The following ERGIC2 variants were observed in gnomAD, a reference collection of about 807,000 sequenced individuals.
The protein encoded by ERGIC2 is endoplasmic reticulum-Golgi intermediate compartment protein 2.
ERGIC2 carries 31 observed loss-of-function variants against 52.5 expected under a neutral mutation model. The observed-to-expected ratio is 0.59, with a 90% CI of 0.44 to 0.80. ERGIC2 has a LOEUF of 0.80. ERGIC2 is among the 30% of genes least tolerant of loss of function. The pLI is 0.00. For missense variants in ERGIC2, 395 were observed against 455.2 expected (o/e 0.87, Z 1.20); for synonymous variants, 129 against 140.6 (o/e 0.92, Z 0.58).
At chr12:29,377,655 G>A (rs915160892) in intron 1 of ERGIC2, among the ~76,000 whole-genome samples, 7 of 152,140 alleles carry the variant, frequency 4.6e-5, no homozygotes, top group African/African-American at 1.7e-4. Flanking sequence ...ATGGAGGGGT[G>A]ACTGTATTTT....
Position 29,338,787 on chromosome 12 carries a change from T to C in ERGIC2, c.*2369A>G, listed in dbSNP as rs1182576800. 6.6e-6 allele frequency: 1 copy of C among 152,212 alleles called. No individual in the cohort carries two copies. Among genetic ancestry groups the C allele is most frequent in the East Asian group, 1.9e-4 (1 of 5,208 alleles). The allele number at this position is 152,212 out of a possible 1,614,324, so 9.4% of individuals were successfully genotyped here. On this transcript the variant is annotated 3_prime_UTR_variant, in exon 14 of 14. Transcript: ENST00000360150. ...TATAGGTCAATGTATGCAAACACAG[T>C]ATTTAAAAATCCATTTCATATAATT...
chr12:29,363,728 A>G (rs754400772), intron 5 of ERGIC2, among the ~76,000 whole-genome samples: 6 of 152,030 alleles, frequency 3.9e-5, no homozygotes, highest in Non-Finnish European at 5.9e-5. Flanking sequence ...TGAGAACTAC[A>G]AAGATGAAAG....
At chr12:29,347,895 C>A (rs1335071480) in intron 10 of ERGIC2, among the ~76,000 whole-genome samples, 1 of 152,122 alleles carries the variant, frequency 6.6e-6, no homozygotes, top group Non-Finnish European at 1.5e-5. Context: ...AAGAAGTACA[C>A]TTAAAAACAG....
chr12:29,380,109 C>T (rs1293057645), intron 1 of ERGIC2, among the ~76,000 whole-genome samples: 1 of 151,846 alleles, frequency 6.6e-6, no homozygotes, highest in Non-Finnish European at 1.5e-5. Context: ...ACCGCCAACC[C>T]CCACCCTCCC....
At chr12:29,376,938 G>A (rs928341373) in intron 1 of ERGIC2, among the ~76,000 whole-genome samples, 2 of 152,070 alleles carry the variant, frequency 1.3e-5, no homozygotes, top group African/African-American at 4.8e-5. Flanking sequence ...TGTCAAAACA[G>A]CCTTTCCTTT....
In ERGIC2 at chr12:29,345,380, G is replaced by T. The variant is rs1940033271; in HGVS notation, c.825+63C>A. On this transcript the variant is annotated intron_variant, in intron 11 of 13. Transcript: ENST00000360150. The stretch of plus-strand genomic sequence containing the variant: ...AAACACCACCTTATTTTGTAGCCAG[G>T]AAACTTTAAAATGCTTTTTTAAAAA... 8 of 915,914 alleles carry T rather than the reference G, an allele frequency of 8.7e-6. No individual in the cohort carries two copies. In the South Asian group the frequency reaches 1.0e-4, roughly 12 times the overall value. 56.7% of individuals were successfully genotyped at this position (915,914 alleles called of 1,614,324 possible). A position where few individuals can be genotyped will look rare whatever the true frequency, so the allele number is the denominator to read the frequency against.
In ERGIC2 at chr12:29,338,637, C is replaced by T. The variant is rs868349030; in HGVS notation, c.*2519G>A. 3 of 151,900 alleles carry T rather than the reference C, an allele frequency of 2.0e-5. No individual in the cohort carries two copies. The highest frequency in any genetic ancestry group is 6.8e-3 in the Middle Eastern group (2 of 292). The allele number at this position is 151,900 out of a possible 1,614,324, so 9.4% of individuals were successfully genotyped here. ...TCAGCCTGGGCAACAGTGCGAGACC[C>T]CATCTCTTAAAAAAAAAAAGAGAAA... On this transcript the variant is annotated 3_prime_UTR_variant, in exon 14 of 14. Coordinates refer to ENST00000360150, the MANE Select transcript of ERGIC2 (RefSeq NM_016570.3).
rs142587744 is a variant in ERGIC2, at chr12:29,370,929, C to T, written c.106+599G>A. 3.4e-3 allele frequency among the ~76,000 whole-genome samples: 517 copies of T among 152,164 alleles called. 5 individuals carry two copies. Among genetic ancestry groups the T allele is most frequent in the African/African-American group, 0.012 (487 of 41,564 alleles). ...ACTTGCACTATTTTCATTAACAAAA[C>T]TTAATCACAAGTGGATCAGAAATAG... On this transcript the variant is annotated intron_variant, in intron 2 of 13. Transcript: ENST00000360150.
chr12:29,346,111 T>G (rs2136851665), intron 10 of ERGIC2, among the ~76,000 whole-genome samples: 1 of 152,006 alleles, frequency 6.6e-6, no homozygotes, highest in South Asian at 2.1e-4. Flanking sequence ...TTTAAAAAAA[T>G]GAATTGGTGA....
chr12:29,354,590 T>A (rs1288003332), intron 8 of ERGIC2, among the ~76,000 whole-genome samples: 1 of 152,162 alleles, frequency 6.6e-6, no homozygotes, highest in Non-Finnish European at 1.5e-5. Flanking sequence ...TTCAAAAAGA[T>A]CAATATTGAA....
In ERGIC2 at chr12:29,340,834, CT is replaced by C; in HGVS notation, c.*321del. 3 of 443,060 alleles carry C rather than the reference CT, an allele frequency of 6.8e-6. No individual in the cohort carries two copies. The highest frequency in any genetic ancestry group is 3.1e-5 in the Admixed American group (1 of 32,070). 27.4% of individuals were successfully genotyped at this position (443,060 alleles called of 1,614,324 possible). A position where few individuals can be genotyped will look rare whatever the true frequency, so the allele number is the denominator to read the frequency against. On this transcript the variant is annotated 3_prime_UTR_variant, in exon 14 of 14. Transcript: ENST00000360150. Reference sequence around the variant, plus strand: ...TGTAGTTTCACTTATTTCCTTCAGGCTTTTTATCAGCAAGAAGCAATGTCTG... The same window carrying C: ...TGTAGTTTCACTTATTTCCTTCAGGCTTTTATCAGCAAGAAGCAATGTCTG...
At chr12:29,353,918 T>C (rs1165247519) in intron 8 of ERGIC2, among the ~76,000 whole-genome samples, 1 of 152,166 alleles carries the variant, frequency 6.6e-6, no homozygotes, top group African/African-American at 2.4e-5. Context: ...TTTTCTGGGA[T>C]ATTTTCTACC....
intron 6 of ERGIC2, among the ~76,000 whole-genome samples, chr12:29,358,469 T>C (rs1229704660): frequency 1.3e-5 from 2 of 152,148 alleles, no homozygotes; most frequent in East Asian, 1.9e-4. Context: ...CATGTCCTTA[T>C]ACATTTGTCA....
chr12:29,368,284 T>C lies in ERGIC2; in HGVS notation c.219A>G (p.Lys73=). 6.6e-7 allele frequency: 1 copy of C among 1,519,796 alleles called. No homozygotes were observed. The highest frequency in any genetic ancestry group is 9.1e-7 in the Non-Finnish European group (1 of 1,096,776). 94.1% of individuals were successfully genotyped at this position (1,519,796 alleles called of 1,614,324 possible). Residue 73 remains lysine, a synonymous_variant, in exon 4 of 14, where the codon AAA becomes AAG. Coordinates refer to ENST00000360150, the MANE Select transcript of ERGIC2 (RefSeq NM_016570.3). ...CAGTAATATCTATATTAATTCTTAA[T>C]TTGCTGAAAGACAAAATATTAAACA... ...EYEVDKDFSS[K]LRINIDITVA... is the part of the protein sequence containing the mutation.
At chr12:29,378,779 A>C (rs1940548191) in intron 1 of ERGIC2, among the ~76,000 whole-genome samples, 1 of 152,018 alleles carries the variant, frequency 6.6e-6, no homozygotes, top group Non-Finnish European at 1.5e-5. Flanking sequence ...TAATCAGAAA[A>C]CCCTGATTAC....
At chr12:29,377,295 A>G (rs1940527915) in intron 1 of ERGIC2, among the ~76,000 whole-genome samples, 1 of 152,188 alleles carries the variant, frequency 6.6e-6, no homozygotes, top group Admixed American at 6.5e-5. Context: ...TAACAGCTGG[A>G]GCTAAGACAA....
At chr12:29,363,451 G>C (rs1370227242) in intron 5 of ERGIC2, among the ~76,000 whole-genome samples, 1 of 151,402 alleles carries the variant, frequency 6.6e-6, no homozygotes, top group East Asian at 1.9e-4. Context: ...TAGCACAAAG[G>C]AATGAATAGT....
At position 29,357,704 on chromosome 12, in the gene ERGIC2, C is replaced by T. The variant is rs767696305; in HGVS notation, c.395G>A (p.Ser132Asn). ...EWQRMLQLIQ[S>N]RLQEEHSLQD... ...AAGTGAATGCTCTTCTTGTAGCCTA[C>T]TCTGAATCAGCTGCAGCATCCTAAA... The change falls in exon 7 of 14, where the codon AGT (serine) becomes AAT (asparagine). Residue 132 changes from serine to asparagine, a missense_variant. By Grantham distance (46) the Ser-to-Asn change is conservative. Transcript: ENST00000360150. The T allele has an allele frequency of 6.2e-7, 1 of 1,605,176 alleles. No individual in the cohort carries two copies. Among genetic ancestry groups the T allele is most frequent in the Admixed American group, 1.7e-5 (1 of 59,768 alleles).
At chr12:29,377,460 C>CTT (rs1486487623) in intron 1 of ERGIC2, among the ~76,000 whole-genome samples, 2 of 152,082 alleles carry the variant, frequency 1.3e-5, no homozygotes, top group Non-Finnish European at 2.9e-5. Context: ...CTTTAGACTA[C>CTT]TTATAAAACC....
Sources: gnomAD v4.1 joint callset for allele counts (sites outside exome capture counted in the v4.1 genomes callset) on GRCh38, gnomAD v4.1.1 for gene constraint, MANE v1.5 for transcripts, NCBI Gene and HGNC (gene_info 2026-07-23, HGNC 2026-07-21) for gene names.